RAG1: variants seen among roughly 807,000 people sequenced by gnomAD.
RAG1 encodes the protein recombination activating 1, also known as V(D)J recombination-activating protein 1.
RAG1 carries 35 observed loss-of-function variants against 62.7 expected under a neutral mutation model. The ratio of observed to expected loss-of-function variants is 0.56; its 90% CI spans 0.43 to 0.74. RAG1 has a LOEUF of 0.74. RAG1 is among the 30% of genes least tolerant of loss of function. The pLI is 0.00. For missense variants in RAG1, 1,169 were observed against 1,278.6 expected, an observed-to-expected ratio of 0.91 and a Z score of 1.31; for synonymous variants, 461 against 470.3, an observed-to-expected ratio of 0.98 and a Z score of 0.26.
At chr11:36,562,060 A>T (rs1048428216) in intron 3 of RAG1, among the ~76,000 whole-genome samples, 3 of 152,208 alleles carry the variant, frequency 2.0e-5, no homozygotes, top group African/African-American at 7.2e-5. Context: ...TTGGCCCTTG[A>T]GAGGCCTTTG....
At chr11:36,549,694 A>C (rs1850453984) in intron 3 of RAG1, among the ~76,000 whole-genome samples, 1 of 152,188 alleles carries the variant, frequency 6.6e-6, no homozygotes, top group African/African-American at 2.4e-5. Flanking sequence ...ACTGTTGTGG[A>C]AGACAGTGTG....
chr11:36,536,951 G>A, downstream of RAG1, among the ~76,000 whole-genome samples: 1 of 135,478 alleles, frequency 7.4e-6, no homozygotes, highest in East Asian at 2.0e-4. Context: ...GTAGAGACAG[G>A]GTTTCACCGT....
intron 2 of RAG1, among the ~76,000 whole-genome samples, chr11:36,520,705 A>G (rs1047630502): frequency 3.3e-5 from 5 of 152,250 alleles, no homozygotes; most frequent in Admixed American, 2.6e-4. Flanking sequence ...TAGTGTTATG[A>G]AAAGGAATTG....
intron 2 of RAG1, among the ~76,000 whole-genome samples, chr11:36,531,490 C>T (rs1181073782): frequency 1.3e-5 from 2 of 151,496 alleles, no homozygotes; most frequent in South Asian, 2.1e-4. Context: ...AGATTTTTAA[C>T]GTTTTTGCTC....
downstream of RAG1, among the ~76,000 whole-genome samples, chr11:36,540,449 G>A (rs1205236244): frequency 6.6e-6 from 1 of 152,080 alleles, no homozygotes; most frequent in Non-Finnish European, 1.5e-5. Context: ...CTGTCATCCA[G>A]GCTGGAGTGC....
At chr11:36,550,577 TG>T (rs1197382845) in intron 3 of RAG1, among the ~76,000 whole-genome samples, 1 of 152,128 alleles carries the variant, frequency 6.6e-6, no homozygotes, top group African/African-American at 2.4e-5. Context: ...AAATTCAACT[TG>T]GGTTAAACAG....
In RAG1 at chr11:36,576,204, G is replaced by T; in HGVS notation, c.2900G>T (p.Gly967Val). 1.2e-6 allele frequency: 2 copies of T among 1,614,118 alleles called. No homozygotes were observed. Among genetic ancestry groups the T allele is most frequent in the South Asian group, 1.1e-5 (1 of 91,086 alleles). ...GAWASEGNESGNKLFRRFRKM... is the reference protein window; with the variant it reads ...GAWASEGNESVNKLFRRFRKM... ...TGGGCAAGTGAGGGAAATGAGTCTG[G>T]TAACAAACTGTTTAGGCGCTTCCGG... is the stretch of plus-strand genomic sequence containing the variant. Residue 967 changes from glycine (G) to valine (V), a missense_variant, in exon 2 of 2, where the codon GGT becomes GTT. Transcript: ENST00000299440.
chr11:36,565,043 A>G (rs1277940358), upstream of RAG1, among the ~76,000 whole-genome samples: 1 of 152,164 alleles, frequency 6.6e-6, no homozygotes, highest in Non-Finnish European at 1.5e-5. Flanking sequence ...AATAAATAAA[A>G]CACATGCGTT....
chr11:36,516,602 G>A (rs1483535260), intron 1 of RAG1, among the ~76,000 whole-genome samples: 1 of 152,234 alleles, frequency 6.6e-6, no homozygotes, highest in Non-Finnish European at 1.5e-5. Flanking sequence ...GATTACTGGC[G>A]TGAGCCACCG....
At chr11:36,562,610 G>A (rs1011116566) in intron 3 of RAG1, among the ~76,000 whole-genome samples, 1 of 152,100 alleles carries the variant, frequency 6.6e-6, no homozygotes, top group Non-Finnish European at 1.5e-5. Context: ...TAAGAATGAA[G>A]CCCAATGAGT....
intron 1 of RAG1, among the ~76,000 whole-genome samples, chr11:36,516,629 T>C (rs1012897334): frequency 3.9e-5 from 6 of 152,260 alleles, no homozygotes; most frequent in African/African-American, 1.4e-4. Context: ...GCCGGCAGAT[T>C]CAGTTTTTGA....
intron 3 of RAG1, among the ~76,000 whole-genome samples, chr11:36,547,891 A>G (rs2133271027): frequency 6.6e-6 from 1 of 152,326 alleles, no homozygotes; most frequent in South Asian, 2.1e-4. Flanking sequence ...ATACTGGCAA[A>G]CCTAATACAG....
chr11:36,560,326 G>T (rs1045635041), intron 3 of RAG1, among the ~76,000 whole-genome samples: 5 of 152,206 alleles, frequency 3.3e-5, no homozygotes, highest in African/African-American at 1.2e-4. Context: ...CAGTGCCCCT[G>T]GTCTTAGGGG....
In RAG1 at chr11:36,575,825, C is replaced by T. The variant is rs104894287; in HGVS notation, c.2521C>T (p.Arg841Trp). 20 of 1,614,076 alleles carry T rather than the reference C, an allele frequency of 1.2e-5. No individual in the cohort carries two copies. Among genetic ancestry groups the T allele is most frequent in the Admixed American group, 6.7e-5 (4 of 60,008 alleles). ...RWQATLDKHL[R>W]KKMNLKPIMR... ...GCAGGCCACACTGGACAAGCATCTC[C>T]GGAAGAAGATGAACCTCAAACCAAT... The change falls in exon 2 of 2, where the codon CGG becomes TGG. Residue 841 changes from arginine (R) to tryptophan (W), a missense_variant. Coordinates refer to ENST00000299440, the MANE Select transcript of RAG1 (RefSeq NM_000448.3). This position sits in a 1 kb window ranked among gnomAD's most constrained non-coding sequence, Gnocchi z 4.1.
In RAG1 at chr11:36,577,347, C is replaced by A. The variant is rs1850867435; in HGVS notation, c.*911C>A. ...GTAAAAATATAGGTTAGCTTGATGTCTAAAAATATATTTCATGTCTTACTG... is the reference window on the plus strand; with the variant it reads ...GTAAAAATATAGGTTAGCTTGATGTATAAAAATATATTTCATGTCTTACTG... On this transcript the variant is annotated 3_prime_UTR_variant, in exon 2 of 2. Transcript: ENST00000299440. 6.0e-6 allele frequency: 1 copy of A among 166,984 alleles called. No homozygotes were observed. The highest frequency in any genetic ancestry group is 1.5e-5 in the Non-Finnish European group (1 of 68,102). 10.3% of individuals were successfully genotyped at this position (166,984 alleles called of 1,614,324 possible).
chr11:36,540,428 G>A (rs11033686), downstream of RAG1, among the ~76,000 whole-genome samples: 9,367 of 151,992 alleles, frequency 0.062, 960 homozygotes, highest in African/African-American at 0.21. Flanking sequence ...TTTTTGCGAC[G>A]GAGCCTCTCT....
At chr11:36,541,315 T>G (rs981029936) in intron 3 of RAG1, among the ~76,000 whole-genome samples, 7 of 152,228 alleles carry the variant, frequency 4.6e-5, no homozygotes, top group Admixed American at 6.5e-5. Context: ...GGGAGGATTC[T>G]TAGACGTCAT....
At chr11:36,534,413 A>G (rs1316365403) in intron 2 of RAG1, among the ~76,000 whole-genome samples, 3 of 152,204 alleles carry the variant, frequency 2.0e-5, no homozygotes, top group Admixed American at 6.5e-5. Context: ...CCTTCTGGCC[A>G]TGGGAAGGCT....
At chr11:36,572,804 TAAAC>T (rs1284301998) in intron 1 of RAG1, among the ~76,000 whole-genome samples, 1 of 152,178 alleles carries the variant, frequency 6.6e-6, no homozygotes. Flanking sequence ...TTGGAAGAAA[TAAAC>T]AACCAACCCC....
Sources: gnomAD v4.1 joint callset for allele counts (sites outside exome capture counted in the v4.1 genomes callset) on GRCh38, gnomAD v4.1.1 for gene constraint, Gnocchi (gnomAD v3.1) non-coding constraint, MANE v1.5 for transcripts, NCBI Gene and HGNC (gene_info 2026-07-23, HGNC 2026-07-21) for gene names.